Variants in RAD54B observed in about 807,000 individuals in gnomAD.
RAD54B encodes DNA repair and recombination protein RAD54B.
A neutral mutation model predicts 95.8 loss-of-function variants in RAD54B; 78 were observed. That is an observed-to-expected ratio of 0.81 (90% CI 0.68 to 0.98). The LOEUF (loss-of-function observed/expected upper bound fraction) is 0.98, where lower values mean the gene tolerates loss of function less well. Ranked by LOEUF, RAD54B falls within the 50% of genes least tolerant of loss-of-function variation. RAD54B has a pLI of 0.00. For missense variants in RAD54B, 957 were observed against 1,056.6 expected (o/e 0.91, Z 1.31); for synonymous variants, 328 against 354.9 (o/e 0.92, Z 0.85).
intron 3 of RAD54B, chr8:94,436,667 G>A (rs1422723927): frequency 2.0e-5 from 31 of 1,550,504 alleles, no homozygotes; most frequent in Non-Finnish European, 2.6e-5. Flanking sequence ...AGGGTGCGTA[G>A]GCCCTGTGCT....
intron 11 of RAD54B, among the ~76,000 whole-genome samples, chr8:94,383,502 G>C (rs1186174854): frequency 6.6e-6 from 1 of 152,092 alleles, no homozygotes; most frequent in Non-Finnish European, 1.5e-5. Flanking sequence ...CACACAGTAA[G>C]GTATTTTGAG....
chr8:94,407,299 T>G (rs1811414171), intron 5 of RAD54B, 140 bp downstream of exon 5: 1 of 790,304 alleles, frequency 1.3e-6, no homozygotes, highest in Admixed American at 3.0e-5. Context: ...CAACATTATC[T>G]CTTATGTCAG....
chr8:94,389,076 G>C (rs1810956623), intron 10 of RAD54B, among the ~76,000 whole-genome samples: 1 of 152,188 alleles, frequency 6.6e-6, no homozygotes, highest in Admixed American at 6.5e-5. Context: ...ACCACTAACA[G>C]AAGGTGTCTG....
intron 8 of RAD54B, among the ~76,000 whole-genome samples, chr8:94,394,560 T>A (rs1811098751): frequency 6.6e-6 from 1 of 152,154 alleles, no homozygotes; most frequent in South Asian, 2.1e-4. Flanking sequence ...CTTTCAAAGT[T>A]ATCAGATCAA....
intron 3 of RAD54B, among the ~76,000 whole-genome samples, chr8:94,439,325 T>C (rs975664474): frequency 2.6e-5 from 4 of 152,210 alleles, no homozygotes; most frequent in African/African-American, 4.8e-5. Flanking sequence ...TGCAGTTGCA[T>C]ACAGTGGAAG....
intron 3 of RAD54B, chr8:94,432,477 A>T (rs978889075): frequency 1.1e-4 from 174 of 1,550,448 alleles, no homozygotes; most frequent in Middle Eastern, 6.6e-4. Flanking sequence ...CATAACATGT[A>T]CTAATTCATG....
At position 94,465,746 on chromosome 8, in the gene RAD54B, G is replaced by A. The variant is rs115009831; in HGVS notation, c.135+1659C>T. ...GCATTATTCGCCATAGCAAAAAGGTGGAAACTGCCCAAGCATGCATCAAAT... is the reference window on the plus strand; with the variant it reads ...GCATTATTCGCCATAGCAAAAAGGTAGAAACTGCCCAAGCATGCATCAAAT... On this transcript the variant is annotated intron_variant, in intron 2 of 14. Coordinates refer to ENST00000336148, the MANE Select transcript of RAD54B (RefSeq NM_012415.3). 5.9e-3 allele frequency among the ~76,000 whole-genome samples: 892 copies of A among 152,208 alleles called. 12 individuals are homozygous for A. The highest frequency in any genetic ancestry group is 0.02 in the African/African-American group (833 of 41,506).
At chr8:94,465,412 C>T (rs757279230) in intron 2 of RAD54B, among the ~76,000 whole-genome samples, 2 of 152,162 alleles carry the variant, frequency 1.3e-5, no homozygotes, top group African/African-American at 2.4e-5. Context: ...AGATGCTCAG[C>T]ATTGCTAGTC....
intron 3 of RAD54B, among the ~76,000 whole-genome samples, chr8:94,423,903 A>G (rs578232617): frequency 6.6e-6 from 1 of 152,306 alleles, no homozygotes; most frequent in South Asian, 2.1e-4. Flanking sequence ...TGTTTTTATT[A>G]GGTTATCCAA....
intron 4 of RAD54B, among the ~76,000 whole-genome samples, chr8:94,408,114 G>A (rs2130031102): frequency 6.6e-6 from 1 of 152,220 alleles, no homozygotes; most frequent in Non-Finnish European, 1.5e-5. Context: ...GAAATGTGAA[G>A]GAGAACTAGC....
intron 3 of RAD54B, among the ~76,000 whole-genome samples, chr8:94,422,696 T>G (rs1444811616): frequency 1.5e-5 from 2 of 133,718 alleles, no homozygotes; most frequent in Non-Finnish European, 3.2e-5. Context: ...TTCCAGTTTT[T>G]GCCAATTCTA....
At chr8:94,441,537 T>C (rs915394417) in intron 3 of RAD54B, among the ~76,000 whole-genome samples, 9 of 152,208 alleles carry the variant, frequency 5.9e-5, no homozygotes, top group African/African-American at 2.2e-4. Context: ...AAAGTTTCCA[T>C]GCCCACCCCA....
intron 2 of RAD54B, among the ~76,000 whole-genome samples, chr8:94,466,051 T>C (rs1049659692): frequency 2.6e-5 from 4 of 152,136 alleles, no homozygotes; most frequent in Non-Finnish European, 1.5e-5. Context: ...GAGTTTCTGT[T>C]TGGGGTAATG....
intron 11 of RAD54B, among the ~76,000 whole-genome samples, chr8:94,382,022 G>A (rs1810754400): frequency 6.6e-6 from 1 of 151,352 alleles, no homozygotes; most frequent in Non-Finnish European, 1.5e-5. Context: ...GCTGAAGCAG[G>A]AGAATGGCGT....
chr8:94,422,346 G>C (rs976142941), intron 3 of RAD54B, among the ~76,000 whole-genome samples: 2 of 151,456 alleles, frequency 1.3e-5, no homozygotes, highest in African/African-American at 4.9e-5. Flanking sequence ...CAGCACTTTG[G>C]GAGGCTGAGG....
At chr8:94,378,023 A>G (rs12334675) in intron 14 of RAD54B, among the ~76,000 whole-genome samples, 157 bp downstream of exon 14, 4,370 of 151,558 alleles carry the variant, frequency 0.029, 86 homozygotes, top group Non-Finnish European at 0.043. Context: ...ATTTTCTCAA[A>G]TATCTCTATC....
Position 94,400,296 on chromosome 8 carries a change from T to C in RAD54B, c.1112A>G (p.Lys371Arg). ...TCCTAGCCATTTTTGAAATTCTTTC[T>C]TCCAATTATTCACCAAGCTTCCAGG... is the stretch of plus-strand genomic sequence containing the variant. ...VTPGSLVNNWKKEFQKWLGSE... is the reference protein window; with the variant it reads ...VTPGSLVNNWRKEFQKWLGSE... The change falls in exon 7 of 15, where the codon AAG (lysine) becomes AGG (arginine). Residue 371 changes from lysine to arginine, a missense_variant. Coordinates refer to ENST00000336148, the MANE Select transcript of RAD54B (RefSeq NM_012415.3). 6.2e-7 allele frequency: 1 copy of C among 1,613,940 alleles called. No individual in the cohort carries two copies. Among genetic ancestry groups the C allele is most frequent in the Non-Finnish European group, 8.5e-7 (1 of 1,179,888 alleles).
intron 3 of RAD54B, among the ~76,000 whole-genome samples, chr8:94,422,370 T>G (rs1811824775): frequency 1.3e-5 from 2 of 151,314 alleles, no homozygotes; most frequent in African/African-American, 4.8e-5. Flanking sequence ...GCGGATTACC[T>G]GAGGTCAGGA....
intron 3 of RAD54B, chr8:94,429,860 T>C (rs1299816185): frequency 1.0e-6 from 1 of 985,316 alleles, no homozygotes; most frequent in Non-Finnish European, 1.2e-6. Flanking sequence ...TTCATTTTTT[T>C]CTATTTCTAT....
Sources: gnomAD v4.1 joint callset for allele counts (sites outside exome capture counted in the v4.1 genomes callset) on GRCh38, gnomAD v4.1.1 for gene constraint, MANE v1.5 for transcripts, NCBI Gene and HGNC (gene_info 2026-07-23, HGNC 2026-07-21) for gene names.